Variants in UBR2 observed in about 807,000 individuals in gnomAD.
UBR2 encodes the protein E3 ubiquitin-protein ligase UBR2.
Under a neutral mutation model 247.9 loss-of-function variants are expected in UBR2, and 92 were observed. That is an observed-to-expected ratio of 0.37 (90% confidence interval 0.31 to 0.44). The LOEUF (loss-of-function observed/expected upper bound fraction) is 0.44. UBR2 is among the 20% of genes least tolerant of loss of function. UBR2 has a pLI of 1.00. For synonymous variants in UBR2, 672 were observed against 693.5 expected (o/e 0.97, Z 0.49); for missense variants, 1,613 against 2,112.6 (o/e 0.76, Z 4.64).
chr6:42,691,245 C>G lies in UBR2; in HGVS notation c.*72C>G. On this transcript the variant is annotated 3_prime_UTR_variant, in exon 47 of 47. Coordinates refer to ENST00000372901, the MANE Select transcript of UBR2 (RefSeq NM_001363705.2). Reference sequence around the variant, plus strand: ...TGGCTTTTTAAGAAAGAAAGAAGTTCTGCTGAATTTGGAAATAAATTCTTT... The same window carrying G: ...TGGCTTTTTAAGAAAGAAAGAAGTTGTGCTGAATTTGGAAATAAATTCTTT... 4 of 1,567,182 alleles carry G rather than the reference C, an allele frequency of 2.6e-6. No homozygotes were observed. Among genetic ancestry groups the G allele is most frequent in the Admixed American group, 4.1e-5 (2 of 48,850 alleles).
At chr6:42,675,106 C>G (rs1387997260) in intron 38 of UBR2, among the ~76,000 whole-genome samples, 1 of 152,136 alleles carries the variant, frequency 6.6e-6, no homozygotes, top group Non-Finnish European at 1.5e-5. Flanking sequence ...ATGACTATGT[C>G]AGAACTCAGT....
At chr6:42,656,140 A>C (rs1346199716) in intron 26 of UBR2, among the ~76,000 whole-genome samples, 2 of 152,204 alleles carry the variant, frequency 1.3e-5, no homozygotes, top group Non-Finnish European at 2.9e-5. Context: ...CCCTAGATTC[A>C]GTAGTTTGCT....
At chr6:42,589,162 A>T (rs1252503501) in intron 2 of UBR2, among the ~76,000 whole-genome samples, 2 of 152,030 alleles carry the variant, frequency 1.3e-5, no homozygotes, top group Admixed American at 6.6e-5. Flanking sequence ...GCAGAGATGG[A>T]GTCTTAGTTT....
chr6:42,619,429 A>T (rs1562317788), intron 11 of UBR2: 11 of 15,344 alleles, frequency 7.2e-4, no homozygotes, highest in African/African-American at 2.2e-3. Context: ...ATATATATAT[A>T]TATATATATA....
chr6:42,673,264 T>C (rs576721284), intron 36 of UBR2, among the ~76,000 whole-genome samples: 14 of 152,300 alleles, frequency 9.2e-5, no homozygotes, highest in Non-Finnish European at 1.8e-4. Context: ...ATAAGAGATA[T>C]GTGTTTTAGG....
chr6:42,637,450 G>T (rs1448622698), intron 15 of UBR2, among the ~76,000 whole-genome samples: 1 of 152,226 alleles, frequency 6.6e-6, no homozygotes, highest in Non-Finnish European at 1.5e-5. Context: ...TTATGAGGAA[G>T]TTTGGCACCA....
intron 13 of UBR2, 54 bp downstream of exon 13, chr6:42,632,958 C>CTCTTTTTTTTTTTTTTTTTTTT (rs1562335065): frequency 1.6e-6 from 1 of 610,586 alleles, no homozygotes; most frequent in African/African-American, 2.6e-5. Flanking sequence ...TCTCTTTTCT[C>CTCTTTTTTTTTTTTTTTTTTTT]TTTTTTTTTT....
At position 42,614,226 on chromosome 6, in the gene UBR2, ACACACACACACACACACACG is replaced by A. The variant is rs1236235135; in HGVS notation, c.986-843_986-824del. Among the ~76,000 whole-genome samples, 42 of 88,072 alleles carry A rather than the reference ACACACACACACACACACACG, an allele frequency of 4.8e-4. 2 individuals carry two copies. The East Asian group carries it at 0.012, about 24-fold the overall frequency. The allele number at this position is 88,072 out of a possible 152,430, so 57.8% of individuals were successfully genotyped here. A position where few individuals can be genotyped will look rare whatever the true frequency, so the allele number is the denominator to read the frequency against. On this transcript the variant is annotated intron_variant, in intron 8 of 46. Coordinates refer to ENST00000372901, the MANE Select transcript of UBR2 (RefSeq NM_001363705.2). ...AAAAACTATATATATATACACACACACACACACACACACACACACGCGCGCACATATATATACACACACAC... is the reference window on the plus strand; with the variant it reads ...AAAAACTATATATATATACACACACACGCGCACATATATATACACACACAC...
intron 2 of UBR2, among the ~76,000 whole-genome samples, chr6:42,579,246 GGAACAA>G (rs1394906254): frequency 6.6e-6 from 1 of 152,110 alleles, no homozygotes; most frequent in Non-Finnish European, 1.5e-5. Flanking sequence ...GGTGAGAGCA[GGAACAA>G]GAGGTGAGGA....
chr6:42,572,008 C>G (rs1791178383), intron 1 of UBR2, among the ~76,000 whole-genome samples: 1 of 151,886 alleles, frequency 6.6e-6, no homozygotes, highest in Non-Finnish European at 1.5e-5. Context: ...TACTTAAAGC[C>G]TGTAGGATTG....
intron 7 of UBR2, among the ~76,000 whole-genome samples, chr6:42,610,535 A>C (rs1020940125): frequency 6.6e-6 from 1 of 152,234 alleles, no homozygotes; most frequent in Admixed American, 6.5e-5. Context: ...ACATGCTACA[A>C]CATGAATGGA....
chr6:42,564,707 T>A (rs965466824), intron 1 of UBR2, among the ~76,000 whole-genome samples: 1 of 152,260 alleles, frequency 6.6e-6, no homozygotes, highest in African/African-American at 2.4e-5. Context: ...CACATGGGCC[T>A]TTGCCCTTTA....
At position 42,669,602 on chromosome 6, in the gene UBR2, G is replaced by A. The variant is rs143941943; in HGVS notation, c.3882-490G>A. Among the ~76,000 whole-genome samples, 24 of 152,134 alleles carry A rather than the reference G, an allele frequency of 1.6e-4. No individual in the cohort carries two copies. In the East Asian group the frequency reaches 3.3e-3, roughly 21 times the overall value. ...TTTCCTTAAATGTTTATTAGTCCTT[G>A]GATAACTATTTAAGCATAAGGCAAT... On this transcript the variant is annotated intron_variant, in intron 34 of 46. Transcript: ENST00000372901.
Position 42,578,970 on chromosome 6 carries a change from CAA to C in UBR2, c.338+4979_338+4980del, listed in dbSNP as rs1181046719. On this transcript the variant is annotated intron_variant, in intron 2 of 46. Coordinates refer to ENST00000372901, the MANE Select transcript of UBR2 (RefSeq NM_001363705.2). ...ACTCCATCTCAAAAACACACACACA[CAA>C]ACACACACACACACACACACACACA... is the stretch of plus-strand genomic sequence containing the variant. 8.1e-3 allele frequency among the ~76,000 whole-genome samples: 740 copies of C among 91,344 alleles called. 6 individuals carry two copies. Among genetic ancestry groups the C allele is most frequent in the African/African-American group, 0.035 (710 of 20,232 alleles). 59.9% of individuals were successfully genotyped at this position (91,344 alleles called of 152,430 possible). A position where few individuals can be genotyped will look rare whatever the true frequency, so the allele number is the denominator to read the frequency against.
In UBR2 at chr6:42,612,236, T is replaced by A. The variant is rs761696332; in HGVS notation, c.930T>A (p.His310Gln). The change falls in exon 8 of 47, where the codon CAT (histidine) becomes CAA (glutamine). Residue 310 changes from histidine (H) to glutamine (Q), a missense_variant. Transcript: ENST00000372901. ...TTATGCATTCGTCTATTGTCGCACA[T>A]CAGAATTTTGGTTTGAAACTTTTGT... is the stretch of plus-strand genomic sequence containing the variant. ...VQVMHSSIVA[H>Q]QNFGLKLLSW... 3 of 1,546,394 alleles carry A rather than the reference T, an allele frequency of 1.9e-6. No homozygotes were observed. In the Admixed American group the frequency reaches 5.1e-5, roughly 26 times the overall value.
chr6:42,658,691 A>C lies in UBR2; in HGVS notation c.3109A>C (p.Ile1037Leu), dbSNP rs1377677873. 6.2e-7 allele frequency: 1 copy of C among 1,613,204 alleles called. No individual in the cohort carries two copies. Among genetic ancestry groups the C allele is most frequent in the Non-Finnish European group, 8.5e-7 (1 of 1,179,736 alleles). The change falls in exon 29 of 47, where the codon ATT (isoleucine) becomes CTT (leucine). Residue 1037 changes from isoleucine (I) to leucine (L), a missense_variant. Ile to Leu is a conservative substitution (Grantham distance 5). This residue lies in a region of UBR2 where 1,524 missense variants were observed against 1,967.3 expected (regional missense o/e 0.77). Coordinates refer to ENST00000372901, the MANE Select transcript of UBR2 (RefSeq NM_001363705.2). ...AGCTGAGAGGAAGAGAAAAGCAGAG[A>C]TTGCCAGACTGCGCAGAGAAAAGAT... ...DKAERKRKAE[I>L]ARLRREKIMA...
At chr6:42,580,176 A>C (rs972366130) in intron 2 of UBR2, among the ~76,000 whole-genome samples, 52 of 152,300 alleles carry the variant, frequency 3.4e-4, no homozygotes, top group Middle Eastern at 3.4e-3. Context: ...CCTTCAGTAT[A>C]ATGGAATTTC....
chr6:42,613,235 A>G lies in UBR2; in HGVS notation c.985+944A>G, dbSNP rs77318339. Among the ~76,000 whole-genome samples, 753 of 152,326 alleles carry G rather than the reference A, an allele frequency of 4.9e-3. 2 individuals are homozygous for G. Among genetic ancestry groups the G allele is most frequent in the Non-Finnish European group, 6.9e-3 (472 of 68,024 alleles). On this transcript the variant is annotated intron_variant, in intron 8 of 46. Transcript: ENST00000372901. ...ACACTAAAGGGTAAAACAGGGATAG[A>G]TATAAGCTGTTATGCTATTCTTCAG... is the stretch of plus-strand genomic sequence containing the variant.
At chr6:42,597,846 G>A (rs954479104) in intron 4 of UBR2, among the ~76,000 whole-genome samples, 1 of 151,918 alleles carries the variant, frequency 6.6e-6, no homozygotes, top group African/African-American at 2.4e-5. Context: ...AACCCGAGAG[G>A]CAGAAGTTGT....
Sources: gnomAD v4.1 joint callset for allele counts (sites outside exome capture counted in the v4.1 genomes callset) on GRCh38, gnomAD v4.1.1 for gene constraint, gnomAD v4.1.1 regional missense constraint, MANE v1.5 for transcripts, NCBI Gene and HGNC (gene_info 2026-07-23, HGNC 2026-07-21) for gene names.